OSBP2: variants seen among roughly 807,000 people sequenced by gnomAD.
OSBP2 encodes oxysterol binding protein 2, also known as oxysterol-binding protein 2.
In OSBP2, 66 loss-of-function variants were observed where a neutral mutation model predicts 96.0. That is an observed-to-expected ratio of 0.69 (90% CI 0.56 to 0.84). OSBP2 has a LOEUF of 0.84. Ranked by LOEUF, OSBP2 falls within the 40% of genes least tolerant of loss-of-function variation. The probability of loss-of-function intolerance (pLI) is 0.00; values close to 1 mark genes in which losing one functional copy is unlikely to be tolerated. For synonymous variants in OSBP2, 525 were observed against 520.9 expected (o/e 1.01, Z -0.11); for missense variants, 1,038 against 1,222.7 (o/e 0.85, Z 2.25).
chr22:30,851,233 T>A (rs2038972289), intron 2 of OSBP2, among the ~76,000 whole-genome samples: 2 of 134,716 alleles, frequency 1.5e-5, no homozygotes, highest in Admixed American at 7.1e-5. Context: ...TGGCTAATTT[T>A]TGTATTTTTT....
chr22:30,822,562 TCCGTG>T, intron 2 of OSBP2: 1 of 1,438,050 alleles, frequency 7.0e-7, no homozygotes, highest in Non-Finnish European at 9.3e-7. Flanking sequence ...TGTGCACGCG[TCCGTG>T]CAAGCCCCCG....
intron 2 of OSBP2, among the ~76,000 whole-genome samples, chr22:30,786,927 T>C (rs2090598061): frequency 6.6e-6 from 1 of 152,112 alleles, no homozygotes; most frequent in South Asian, 2.1e-4. Context: ...GCCTCCCAAG[T>C]ATCTGGGACT....
At chr22:30,727,224 G>A (rs796523313) in intron 1 of OSBP2, among the ~76,000 whole-genome samples, 2 of 152,134 alleles carry the variant, frequency 1.3e-5, no homozygotes, top group East Asian at 1.9e-4. Flanking sequence ...CCTTCCTTCC[G>A]CCTAGGAGGC....
At chr22:30,850,385 ATAC>A (rs1275275880) in intron 2 of OSBP2, among the ~76,000 whole-genome samples, 1 of 151,974 alleles carries the variant, frequency 6.6e-6, no homozygotes, top group Non-Finnish European at 1.5e-5. Flanking sequence ...TTATAAGTCC[ATAC>A]TTACGCCAAT....
At chr22:30,805,278 A>C (rs1004513645) in intron 2 of OSBP2, among the ~76,000 whole-genome samples, 1 of 152,262 alleles carries the variant, frequency 6.6e-6, no homozygotes, top group Non-Finnish European at 1.5e-5. Context: ...TCAAGGCAGC[A>C]AACAAAGATG....
rs1010046446 is a variant in OSBP2, at chr22:30,719,685, C to T, written c.645-21476C>T. ...ATGAGAATTGCTTGAACCAAGGAGG[C>T]AGAGGTTGCAGTGAGCTGAGATGGC... On this transcript the variant is annotated intron_variant, in intron 1 of 13. Transcript: ENST00000332585. 2.0e-5 allele frequency among the ~76,000 whole-genome samples: 3 copies of T among 150,336 alleles called. No homozygotes were observed. The South Asian group carries it at 6.3e-4, about 32-fold the overall frequency.
intron 2 of OSBP2, among the ~76,000 whole-genome samples, chr22:30,835,416 C>A (rs2147015633): frequency 6.6e-6 from 1 of 152,196 alleles, no homozygotes; most frequent in Admixed American, 6.5e-5. Context: ...TATCTTAGCA[C>A]CCTTGTTGAA....
chr22:30,813,622 G>A (rs1156836569), intron 2 of OSBP2, among the ~76,000 whole-genome samples: 3 of 152,066 alleles, frequency 2.0e-5, no homozygotes, highest in Non-Finnish European at 4.4e-5. Context: ...GGATAACAGT[G>A]ATTACAGGAA....
chr22:30,752,423 C>A (rs1193564904), intron 2 of OSBP2, among the ~76,000 whole-genome samples: 1 of 150,676 alleles, frequency 6.6e-6, no homozygotes, highest in African/African-American at 2.4e-5. Flanking sequence ...CTCAGCTTCC[C>A]GAGTAGCTGG....
intron 3 of OSBP2, chr22:30,872,647 G>A: frequency 5.7e-6 from 2 of 350,438 alleles, no homozygotes; most frequent in South Asian, 4.4e-5. Flanking sequence ...AAACCTGCTG[G>A]TGTTAGCCTG....
chr22:30,851,230 T>A (rs541715736), intron 2 of OSBP2, among the ~76,000 whole-genome samples: 2 of 134,154 alleles, frequency 1.5e-5, no homozygotes, highest in South Asian at 4.4e-4. Flanking sequence ...ACATGGCTAA[T>A]TTTTGTATTT....
At chr22:30,694,786 C>A (rs2088990277), upstream of OSBP2, 2 of 584,036 alleles carry the variant, frequency 3.4e-6, no homozygotes, top group African/African-American at 2.0e-5. Context: ...GCGCACGGGA[C>A]CGCGGAGGAA....
chr22:30,727,123 C>G (rs1223785452), intron 1 of OSBP2, among the ~76,000 whole-genome samples: 1 of 152,186 alleles, frequency 6.6e-6, no homozygotes, highest in African/African-American at 2.4e-5. Flanking sequence ...ACCATCTCTA[C>G]TTTTCCATCA....
At chr22:30,757,153 A>G (rs1184090235) in intron 2 of OSBP2, among the ~76,000 whole-genome samples, 1 of 151,944 alleles carries the variant, frequency 6.6e-6, no homozygotes, top group African/African-American at 2.4e-5. Context: ...CCCATCTCCC[A>G]GGGACGTCCT....
Position 30,906,464 on chromosome 22 carries a change from ATT to A in OSBP2, c.*134_*135del. On this transcript the variant is annotated 3_prime_UTR_variant, in exon 14 of 14. Transcript: ENST00000332585. ...CCCAGCCCTTCCTATTTCCTTTCCT[ATT>A]TTTTTTTTCTCCCCACACTTTCTTG... is the stretch of plus-strand genomic sequence containing the variant. 8 of 1,083,692 alleles carry A rather than the reference ATT, an allele frequency of 7.4e-6. No individual in the cohort carries two copies. The highest frequency in any genetic ancestry group is 3.5e-5 in the Admixed American group (1 of 28,464). 67.1% of individuals were successfully genotyped at this position (1,083,692 alleles called of 1,614,324 possible). A position where few individuals can be genotyped will look rare whatever the true frequency, so the allele number is the denominator to read the frequency against.
intron 2 of OSBP2, among the ~76,000 whole-genome samples, chr22:30,786,206 A>G (rs944586002): frequency 5.3e-5 from 8 of 152,132 alleles, no homozygotes; most frequent in Non-Finnish European, 1.5e-5. Flanking sequence ...TATTTTCAGT[A>G]GAGATGGAGT....
chr22:30,873,324 T>C (rs2039499153), intron 3 of OSBP2, among the ~76,000 whole-genome samples: 1 of 152,150 alleles, frequency 6.6e-6, no homozygotes. Context: ...AAGGCCAGGA[T>C]GCGGGGCAGC....
chr22:30,830,726 A>G (rs954012630), intron 2 of OSBP2, among the ~76,000 whole-genome samples: 2 of 152,164 alleles, frequency 1.3e-5, no homozygotes, highest in African/African-American at 2.4e-5. Context: ...CTAGGCATTC[A>G]TTATTTTTAA....
chr22:30,744,321 T>C (rs1252173772), intron 2 of OSBP2, among the ~76,000 whole-genome samples: 2 of 152,178 alleles, frequency 1.3e-5, no homozygotes, highest in East Asian at 1.9e-4. Context: ...GTCGCTCTCC[T>C]TGGGCCTGGC....
Sources: allele counts gnomAD v4.1 joint callset (sites outside exome capture counted in the v4.1 genomes callset), GRCh38; gene constraint gnomAD v4.1.1; transcripts MANE v1.5; gene names NCBI Gene and HGNC (gene_info 2026-07-23, HGNC 2026-07-21).